Variants in TENM1 observed in about 807,000 individuals in gnomAD.
TENM1 encodes teneurin-1.
A neutral mutation model predicts 174.8 loss-of-function variants in TENM1; 35 were observed. The ratio of observed to expected loss-of-function variants is 0.20; its 90% CI spans 0.15 to 0.27. The LOEUF (loss-of-function observed/expected upper bound fraction) is 0.27, where lower values mean the gene tolerates loss of function less well. Among genes scored for constraint, TENM1 ranks in the 10% least tolerant of loss-of-function variants. The pLI is 1.00. For missense variants in TENM1, 1,633 were observed against 2,130.1 expected (o/e 0.77, Z 4.59); for synonymous variants, 781 against 798.7 (o/e 0.98, Z 0.37).
intron 4 of TENM1, among the ~76,000 whole-genome samples, chrX:124,708,089 G>A (rs2052954284): frequency 8.9e-6 from 1 of 112,148 alleles, no homozygotes; most frequent in African/African-American, 3.2e-5. Flanking sequence ...AAACACATTC[G>A]AGTGCTACAT....
chrX:124,928,879 A>G (rs750083921), intron 1 of TENM1, among the ~76,000 whole-genome samples: 6 of 111,555 alleles, frequency 5.4e-5, no homozygotes, highest in African/African-American at 2.0e-4. Context: ...CACGTCTCCC[A>G]TTTCTTAATG....
intron 1 of TENM1, among the ~76,000 whole-genome samples, chrX:124,932,727 TTCAGCA>T (rs1219012341): frequency 9.0e-6 from 1 of 111,726 alleles, no homozygotes; most frequent in African/African-American, 3.3e-5. Context: ...AAACATGACC[TTCAGCA>T]TGAGTCTCAG....
At chrX:125,088,133 G>A in the TENM1 span, among the ~76,000 whole-genome samples, 1 of 111,258 alleles carries the variant, frequency 9.0e-6, no homozygotes, top group African/African-American at 3.3e-5. Context: ...GAATTAAATG[G>A]CATTTTATAT....
intron 6 of TENM1, among the ~76,000 whole-genome samples, chrX:124,664,084 T>A (rs976097950): frequency 1.8e-5 from 2 of 112,069 alleles, no homozygotes; most frequent in Non-Finnish European, 3.8e-5. Context: ...CCATCAATCT[T>A]TAAAAATAAT....
At chrX:125,135,294 G>A in the TENM1 span, among the ~76,000 whole-genome samples, 1 of 111,911 alleles carries the variant, frequency 8.9e-6, no homozygotes, top group African/African-American at 3.2e-5. Flanking sequence ...TTAGCTCCCT[G>A]GGGATGTGAC....
the TENM1 span, among the ~76,000 whole-genome samples, chrX:125,203,321 G>C: frequency 8.9e-6 from 1 of 112,681 alleles, no homozygotes; most frequent in East Asian, 2.8e-4. Flanking sequence ...AGGGTGGGAG[G>C]GATGCCAGAG....
chrX:124,639,453 T>C (rs1203359660), intron 11 of TENM1, among the ~76,000 whole-genome samples: 1 of 112,332 alleles, frequency 8.9e-6, no homozygotes, highest in African/African-American at 3.2e-5. Flanking sequence ...CCCTCCTTTG[T>C]GCTCTGTGAC....
At chrX:124,921,761 T>G (rs1157819545) in intron 1 of TENM1, among the ~76,000 whole-genome samples, 4 of 111,508 alleles carry the variant, frequency 3.6e-5, no homozygotes, top group Admixed American at 9.5e-5. Flanking sequence ...GTGCTGTCCA[T>G]ATGGTAGCCA....
chrX:125,159,307 T>C, the TENM1 span, among the ~76,000 whole-genome samples: 1 of 111,916 alleles, frequency 8.9e-6, no homozygotes, highest in Non-Finnish European at 1.9e-5. Flanking sequence ...CGCACACCCA[T>C]CTCCTGAGTA....
chrX:124,535,858 G>A lies in TENM1; in HGVS notation c.2652-5875C>T, dbSNP rs188718777. On this transcript the variant is annotated intron_variant, in intron 15 of 31. Transcript: ENST00000422452. The stretch of plus-strand genomic sequence containing the variant: ...GCTCATGGCACTGCTTCAAGCAAGG[G>A]CTTCAGTGACTACGTTGAGATTCCT... Among the ~76,000 whole-genome samples the A allele has an allele frequency of 1.2e-4, 13 of 112,036 alleles. No homozygotes were observed. In the East Asian group the frequency reaches 3.4e-3, roughly 29 times the overall value.
chrX:125,054,270 C>T, the TENM1 span, among the ~76,000 whole-genome samples: 1 of 109,955 alleles, frequency 9.1e-6, no homozygotes, highest in Non-Finnish European at 1.9e-5. Context: ...GCAAGACGTG[C>T]CTGTTTTCTG....
exon 23 of TENM1, chrX:124,453,374 T>C (rs765550936): frequency 2.5e-6 from 3 of 1,208,844 alleles, no homozygotes; most frequent in African/African-American, 3.5e-5. Context: ...GCTCAGTGGT[T>C]GTGTGGAAGT....
the TENM1 span, among the ~76,000 whole-genome samples, chrX:125,019,987 CT>C: frequency 2.9e-3 from 327 of 110,856 alleles, no homozygotes; most frequent in African/African-American, 0.01. Flanking sequence ...CTAGGATGGA[CT>C]CTGCCTCCAC....
At chrX:125,155,622 G>A in the TENM1 span, among the ~76,000 whole-genome samples, 1 of 112,357 alleles carries the variant, frequency 8.9e-6, no homozygotes. Context: ...GCCCTGCCCC[G>A]CTGGAAGGCA....
At chrX:124,877,095 T>A (rs907614300) in intron 3 of TENM1, among the ~76,000 whole-genome samples, 2 of 112,185 alleles carry the variant, frequency 1.8e-5, no homozygotes, top group African/African-American at 6.5e-5. Flanking sequence ...ATAAAGGACA[T>A]CCAGTTAAAA....
chrX:124,720,501 T>C (rs921912390), intron 4 of TENM1, among the ~76,000 whole-genome samples: 1 of 111,592 alleles, frequency 9.0e-6, no homozygotes, highest in Non-Finnish European at 1.9e-5. Context: ...TATTGATTGA[T>C]GTATTAAGTC....
intron 16 of TENM1, among the ~76,000 whole-genome samples, chrX:124,529,173 C>A (rs779744559): frequency 8.9e-6 from 1 of 111,829 alleles, no homozygotes; most frequent in Non-Finnish European, 1.9e-5. Context: ...AAATAGGTAC[C>A]TTTAAGCTGG....
At chrX:124,714,221 A>G (rs1050368125) in intron 4 of TENM1, among the ~76,000 whole-genome samples, 3 of 111,493 alleles carry the variant, frequency 2.7e-5, no homozygotes, top group African/African-American at 9.8e-5. Flanking sequence ...AGGTTACACA[A>G]TTGGTAAAAG....
At chrX:124,675,578 G>A (rs2052048270) in intron 5 of TENM1, among the ~76,000 whole-genome samples, 1 of 107,490 alleles carries the variant, frequency 9.3e-6, no homozygotes, top group Non-Finnish European at 1.9e-5. Flanking sequence ...ATACTTTTTT[G>A]AGTGCTTACT....
Sources: allele counts gnomAD v4.1 joint callset (sites outside exome capture counted in the v4.1 genomes callset), GRCh38; gene constraint gnomAD v4.1.1; transcripts MANE v1.5; gene names NCBI Gene and HGNC (gene_info 2026-07-23, HGNC 2026-07-21).